NALF1: variants seen among roughly 807,000 people sequenced by gnomAD.
NALF1 encodes the protein NALCN channel auxiliary factor 1.
Under a neutral mutation model 48.4 loss-of-function variants are expected in NALF1, and 3 were observed. The observed-to-expected ratio is 0.06, with a 90% CI of 0.03 to 0.16. The LOEUF is 0.16. Among genes scored for constraint, NALF1 ranks in the 10% least tolerant of loss-of-function variants. NALF1 has a pLI of 1.00. For synonymous variants in NALF1, 262 were observed against 245.7 expected (o/e 1.07, Z -0.62); for missense variants, 526 against 571.5 (o/e 0.92, Z 0.81).
intron 1 of NALF1, among the ~76,000 whole-genome samples, chr13:107,335,586 T>C (rs1882540944): frequency 6.6e-6 from 1 of 152,236 alleles, no homozygotes; most frequent in African/African-American, 2.4e-5. Context: ...TTGTGACTTT[T>C]TCATGGCTGT....
At chr13:107,332,749 G>A (rs1267390979) in intron 1 of NALF1, among the ~76,000 whole-genome samples, 1 of 152,194 alleles carries the variant, frequency 6.6e-6, no homozygotes. Context: ...TAGAGCCATT[G>A]CTCCTAGTAA....
intron 1 of NALF1, among the ~76,000 whole-genome samples, chr13:107,425,382 G>A (rs1306172319): frequency 6.6e-6 from 1 of 152,150 alleles, no homozygotes; most frequent in Non-Finnish European, 1.5e-5. Context: ...TTTAATATAA[G>A]TGTATGAAAG....
At chr13:107,386,059 AT>A (rs1255980715) in intron 1 of NALF1, among the ~76,000 whole-genome samples, 7 of 152,128 alleles carry the variant, frequency 4.6e-5, no homozygotes, top group Non-Finnish European at 7.3e-5. Context: ...TAGTTTTAAA[AT>A]AGAGCTTCCA....
chr13:107,223,790 T>C (rs1471540963), intron 1 of NALF1, among the ~76,000 whole-genome samples: 2 of 152,256 alleles, frequency 1.3e-5, no homozygotes, highest in East Asian at 3.9e-4. Flanking sequence ...CTCCTACTTA[T>C]AGAGTTAAGA....
In NALF1 at chr13:107,169,457, C is replaced by T. The variant is rs974067224; in HGVS notation, c.*1040G>A. 2 of 151,994 alleles carry T rather than the reference C, an allele frequency of 1.3e-5. No individual in the cohort carries two copies. Among genetic ancestry groups the T allele is most frequent in the African/African-American group, 4.8e-5 (2 of 41,380 alleles). The allele number at this position is 151,994 out of a possible 1,614,324, so 9.4% of individuals were successfully genotyped here. Reference sequence around the variant, plus strand: ...CTGTAATTACAATGGCCAAAATGTGCTCCTATATTACTGCAACAGAACAAA... The same window carrying T: ...CTGTAATTACAATGGCCAAAATGTGTTCCTATATTACTGCAACAGAACAAA... On this transcript the variant is annotated 3_prime_UTR_variant, in exon 3 of 3. Transcript: ENST00000375915.
At chr13:107,688,445 G>A (rs1881488474) in intron 1 of NALF1, among the ~76,000 whole-genome samples, 1 of 152,146 alleles carries the variant, frequency 6.6e-6, no homozygotes, top group Admixed American at 6.6e-5. Flanking sequence ...TAAATTGGAT[G>A]AGCTTTAAAT....
At chr13:107,174,365 T>TTA (rs765858092) in intron 2 of NALF1, among the ~76,000 whole-genome samples, 2,082 of 140,936 alleles carry the variant, frequency 0.015, 24 homozygotes, top group South Asian at 0.048. Context: ...ATTTATTTAT[T>TTA]TTTTTTTTTG....
chr13:107,315,205 T>C (rs1301790801), intron 1 of NALF1, among the ~76,000 whole-genome samples: 2 of 152,106 alleles, frequency 1.3e-5, no homozygotes, highest in Admixed American at 6.6e-5. Context: ...TTCATTTGTA[T>C]ACAGTAATAC....
intron 1 of NALF1, among the ~76,000 whole-genome samples, chr13:107,604,061 T>A (rs529874283): frequency 1.9e-4 from 29 of 152,188 alleles, no homozygotes; most frequent in African/African-American, 6.3e-4. Context: ...ACAGAAATGA[T>A]TCATGTAGCT....
Position 107,372,691 on chromosome 13 carries a change from T to C in NALF1, c.916-161936A>G, listed in dbSNP as rs191369621. ...AATTAGATAAGATAATAGAAAACAT[T>C]TGGTGATAGATCAATGCTTTAAAAA... On this transcript the variant is annotated intron_variant, in intron 1 of 2. Coordinates refer to ENST00000375915, the MANE Select transcript of NALF1 (RefSeq NM_001080396.3). Among the ~76,000 whole-genome samples the C allele has an allele frequency of 1.2e-3, 178 of 152,288 alleles. 2 individuals are homozygous for C. The highest frequency in any genetic ancestry group is 0.01 in the Admixed American group (157 of 15,288).
At chr13:107,599,730 A>G (rs956033142) in intron 1 of NALF1, among the ~76,000 whole-genome samples, 26 of 152,194 alleles carry the variant, frequency 1.7e-4, no homozygotes, top group African/African-American at 6.3e-4. Flanking sequence ...AATTTTAACT[A>G]GTATAATGGG....
chr13:107,494,486 ACGG>A (rs1360082950), intron 1 of NALF1, among the ~76,000 whole-genome samples: 9 of 152,162 alleles, frequency 5.9e-5, no homozygotes, highest in African/African-American at 2.2e-4. Context: ...ATGGCATAGA[ACGG>A]TCTATCCATG....
intron 1 of NALF1, among the ~76,000 whole-genome samples, chr13:107,705,935 A>T (rs1039474075): frequency 2.0e-5 from 3 of 152,120 alleles, no homozygotes; most frequent in African/African-American, 7.2e-5. Context: ...CATAATGCAG[A>T]TATTTAAGAG....
At chr13:107,300,563 T>C (rs75673405) in intron 1 of NALF1, among the ~76,000 whole-genome samples, 1 of 152,352 alleles carries the variant, frequency 6.6e-6, no homozygotes, top group East Asian at 1.9e-4. Context: ...ATTTCCAAAG[T>C]ATCCACACTT....
chr13:107,202,021 G>C (rs1410312211), intron 2 of NALF1, among the ~76,000 whole-genome samples: 1 of 152,186 alleles, frequency 6.6e-6, no homozygotes, highest in African/African-American at 2.4e-5. Context: ...TGAACCAGTA[G>C]TGTCAGATGA....
chr13:107,519,715 C>T (rs185893622), intron 1 of NALF1, among the ~76,000 whole-genome samples: 9 of 152,214 alleles, frequency 5.9e-5, no homozygotes, highest in Non-Finnish European at 1.2e-4. Context: ...TCTACCTGAC[C>T]TAAAATAATG....
chr13:107,649,400 T>G (rs918616434), intron 1 of NALF1, among the ~76,000 whole-genome samples: 1 of 152,178 alleles, frequency 6.6e-6, no homozygotes, highest in Non-Finnish European at 1.5e-5. Flanking sequence ...GTGATAAAAT[T>G]TATATAATCT....
intron 1 of NALF1, among the ~76,000 whole-genome samples, chr13:107,512,683 GT>G (rs987345093): frequency 1.3e-5 from 2 of 152,140 alleles, no homozygotes; most frequent in African/African-American, 4.8e-5. Context: ...TTGAGGGGCA[GT>G]TTTTGCCGAA....
At chr13:107,853,789 G>A (rs1334426545) in intron 1 of NALF1, among the ~76,000 whole-genome samples, 1 of 152,132 alleles carries the variant, frequency 6.6e-6, no homozygotes, top group African/African-American at 2.4e-5. Flanking sequence ...CACAAAAATA[G>A]ATTGGGTACT....
Sources: allele counts gnomAD v4.1 joint callset (sites outside exome capture counted in the v4.1 genomes callset), GRCh38; gene constraint gnomAD v4.1.1; transcripts MANE v1.5; gene names NCBI Gene and HGNC (gene_info 2026-07-23, HGNC 2026-07-21).